PC: variants seen among roughly 807,000 people sequenced by gnomAD.
The protein encoded by PC is pyruvate carboxylase, also known as pyruvate carboxylase, mitochondrial.
In PC, 46 loss-of-function variants were observed where a neutral mutation model predicts 107.8. That is an observed-to-expected ratio of 0.43 (90% CI 0.34 to 0.55). The LOEUF (loss-of-function observed/expected upper bound fraction) is 0.55, where lower values mean the gene tolerates loss of function less well. PC is among the 20% of genes least tolerant of loss of function. The probability of loss-of-function intolerance (pLI) is 0.04; values close to 1 mark genes in which losing one functional copy is unlikely to be tolerated. For missense variants in PC, 1,241 were observed against 1,643.1 expected (o/e 0.76, Z 4.23); for synonymous variants, 662 against 684.7 (o/e 0.97, Z 0.52).
chr11:66,899,197 T>A (rs943394015), intron 3 of PC, among the ~76,000 whole-genome samples: 3 of 152,006 alleles, frequency 2.0e-5, no homozygotes, highest in Non-Finnish European at 4.4e-5. Flanking sequence ...ATCAACAGAA[T>A]CATAAATTAT....
rs1258494752 is a variant in PC, at chr11:66,870,397, G to C, written c.808C>G (p.Arg270Gly). 1 of 1,613,586 alleles carries C rather than the reference G, an allele frequency of 6.2e-7. No homozygotes were observed. ...GCAATCTCGACCACCTTCTGGTGCC[G>C]CCGCTGGATGGAGCAGTCTCGCTCG... is the stretch of plus-strand genomic sequence containing the variant. Reference protein sequence around the residue: ...LYERDCSIQRRHQKVVEIAPA... With the variant: ...LYERDCSIQRGHQKVVEIAPA... Residue 270 changes from arginine to glycine, a missense_variant, in exon 9 of 23, where the codon CGG (arginine) becomes GGG (glycine). By Grantham distance (125) the Arg-to-Gly change is moderately radical (BLOSUM62 -2). This residue lies in a region of PC where 1,143 missense variants were observed against 1,551.9 expected (regional missense o/e 0.74). Transcript: ENST00000393960. This position sits in a 1 kb window ranked among gnomAD's most constrained non-coding sequence, Gnocchi z 6.1.
intron 3 of PC, among the ~76,000 whole-genome samples, chr11:66,893,221 G>A (rs1003664668): frequency 2.6e-5 from 4 of 152,086 alleles, no homozygotes; most frequent in Non-Finnish European, 4.4e-5. Flanking sequence ...AGCCTGACAC[G>A]GGCCACAGTG....
chr11:66,860,094 G>A, intron 12 of PC: 3 of 1,553,272 alleles, frequency 1.9e-6, no homozygotes, highest in Non-Finnish European at 2.6e-6. Flanking sequence ...CCTGGGAGGA[G>A]CTTGGGCCCG....
rs1946708313 is a variant in PC at position 66,871,011 on chromosome 11, G to GCTGCC, written c.633+36_633+40dup. 1 of 1,612,980 alleles carries GCTGCC rather than the reference G, an allele frequency of 6.2e-7. No individual in the cohort carries two copies. The highest frequency in any genetic ancestry group is 1.3e-5 in the African/African-American group (1 of 74,912). On this transcript the variant is annotated intron_variant, in intron 7 of 22. Coordinates refer to ENST00000393960, the MANE Select transcript of PC (RefSeq NM_001040716.2). This position sits in a 1 kb window ranked among gnomAD's most constrained non-coding sequence, Gnocchi z 7.4. ...TGGTCCGCCCCTGCCCCCACGGCAG[G>GCTGCC]CTGCCCTGCCCTGCTCCCAGCCCTG...
At chr11:66,910,782 T>C (rs1055735131) in intron 3 of PC, among the ~76,000 whole-genome samples, 2 of 152,156 alleles carry the variant, frequency 1.3e-5, no homozygotes, top group Non-Finnish European at 2.9e-5. Context: ...AGGCTCTGGA[T>C]TGACCCAACC....
At chr11:66,892,570 G>C (rs1947615812) in intron 3 of PC, among the ~76,000 whole-genome samples, 2 of 152,198 alleles carry the variant, frequency 1.3e-5, no homozygotes, top group Non-Finnish European at 2.9e-5. Flanking sequence ...AATGTCGCCG[G>C]GCGCGGTGGC....
rs929904892 is a variant in PC at position 66,857,020 on chromosome 11, C to G, written c.1369-3637G>C. The G allele has an allele frequency of 6.8e-6, 1 of 146,644 alleles. No individual in the cohort carries two copies. The highest frequency in any genetic ancestry group is 2.1e-4 in the South Asian group (1 of 4,814). 9.1% of individuals were successfully genotyped at this position (146,644 alleles called of 1,614,324 possible). ...GGCCCGGGTGGATCCCCGCGCGCCC[C>G]TCCCCGTCCGCCCTCCACGTGCGTG... is the stretch of plus-strand genomic sequence containing the variant. On this transcript the variant is annotated intron_variant, in intron 12 of 22. Transcript: ENST00000393960. This position sits in a 1 kb window ranked among gnomAD's most constrained non-coding sequence, Gnocchi z 7.1.
chr11:66,918,759 G>C (rs370496571), intron 3 of PC, among the ~76,000 whole-genome samples: 1 of 152,060 alleles, frequency 6.6e-6, no homozygotes, highest in Admixed American at 6.6e-5. Flanking sequence ...ATAAATAAAA[G>C]GCTTCCTCAC....
rs753363996 is a variant in PC, at chr11:66,849,055, T to C, written c.3381A>G (p.Ala1127=). The change falls in exon 23 of 23, where the codon GCA becomes GCG. Residue 1127 remains alanine (A), a synonymous_variant. Coordinates refer to ENST00000393960, the MANE Select transcript of PC (RefSeq NM_001040716.2). The part of the protein sequence containing the change: ...PGKVIDIKVV[A]GAKVAKGQPL... ...GCTGGCCCTTGGCCACCTTGGCCCCTGCCACCACTTTGATGTCTATCACCT... is the reference window on the plus strand; with the variant it reads ...GCTGGCCCTTGGCCACCTTGGCCCCCGCCACCACTTTGATGTCTATCACCT... 1 of 1,614,120 alleles carries C rather than the reference T, an allele frequency of 6.2e-7. No individual in the cohort carries two copies. The highest frequency in any genetic ancestry group is 1.1e-5 in the South Asian group (1 of 91,092).
chr11:66,849,319 C>G lies in PC; in HGVS notation c.3199G>C (p.Asp1067His), dbSNP rs527559823. The change falls in exon 22 of 23, where the codon GAC becomes CAC. Residue 1067 changes from aspartate to histidine, a missense_variant. This residue lies in a region of PC where 1,143 missense variants were observed against 1,551.9 expected (regional missense o/e 0.74). Coordinates refer to ENST00000393960, the MANE Select transcript of PC (RefSeq NM_001040716.2). ...TGCCTCTGGCCGGCCCGGTTCAGGT[C>G]GCTCACGGCCAGGGCTTTGATGTGC... is the stretch of plus-strand genomic sequence containing the variant. ...TLHIKALAVS[D>H]LNRAGQRQVF... 1.2e-6 allele frequency: 2 copies of G among 1,613,560 alleles called. No individual in the cohort carries two copies. The highest frequency in any genetic ancestry group is 1.7e-4 in the Middle Eastern group (1 of 6,052).
intron 3 of PC, among the ~76,000 whole-genome samples, chr11:66,926,884 A>C (rs1948729508): frequency 6.6e-6 from 1 of 151,966 alleles, no homozygotes; most frequent in Non-Finnish European, 1.5e-5. Flanking sequence ...CATGTGTCAG[A>C]ACTTCACTCC....
intron 11 of PC, 105 bp from the exon 12 acceptor site, chr11:66,864,061 A>G: frequency 8.7e-7 from 1 of 1,147,578 alleles, no homozygotes; most frequent in Non-Finnish European, 1.3e-6. Flanking sequence ...TGCTGAGAGC[A>G]GAGCGTGGGG....
intron 3 of PC, among the ~76,000 whole-genome samples, chr11:66,887,314 A>G (rs1195292812): frequency 6.6e-6 from 1 of 152,202 alleles, no homozygotes; most frequent in East Asian, 1.9e-4. Context: ...TGACCAAAAA[A>G]TTCACCAAAA....
chr11:66,939,873 A>G (rs1213080057), intron 3 of PC, among the ~76,000 whole-genome samples: 2 of 151,318 alleles, frequency 1.3e-5, no homozygotes, highest in Non-Finnish European at 2.9e-5. Context: ...GCAGAGACAC[A>G]TGAGAAAGAA....
At chr11:66,873,046 A>C (rs562685380) in intron 3 of PC, among the ~76,000 whole-genome samples, 36 of 149,908 alleles carry the variant, frequency 2.4e-4, no homozygotes, top group African/African-American at 8.4e-4. Context: ...GAAAAAAAAA[A>C]AGTATAATAC....
intron 12 of PC, among the ~76,000 whole-genome samples, chr11:66,861,062 G>T (rs1318743591): frequency 6.6e-6 from 1 of 152,350 alleles, no homozygotes; most frequent in African/African-American, 2.4e-5. Context: ...GTTCCTGTCA[G>T]AACTGTGGGT....
At chr11:66,864,040 C>A (rs892412071) in intron 11 of PC, 84 bp from the exon 12 acceptor site, 1 of 1,336,512 alleles carries the variant, frequency 7.5e-7, no homozygotes, top group Non-Finnish European at 1.1e-6. Context: ...GCCAGGTGTG[C>A]ACCCAGCAGC....
intron 3 of PC, among the ~76,000 whole-genome samples, chr11:66,909,424 G>A (rs886280889): frequency 6.6e-6 from 1 of 152,162 alleles, no homozygotes; most frequent in African/African-American, 2.4e-5. Flanking sequence ...CATGATCTTC[G>A]GAACAGGTGT....
intron 3 of PC, among the ~76,000 whole-genome samples, chr11:66,922,990 T>C (rs1055888469): frequency 1.3e-5 from 2 of 152,184 alleles, no homozygotes; most frequent in South Asian, 4.1e-4. Context: ...TGGCCCACCA[T>C]TGCTGCCACA....
Sources: gnomAD v4.1 joint callset for allele counts (sites outside exome capture counted in the v4.1 genomes callset) on GRCh38, gnomAD v4.1.1 for gene constraint, gnomAD v4.1.1 regional missense constraint, Gnocchi (gnomAD v3.1) non-coding constraint, MANE v1.5 for transcripts, NCBI Gene and HGNC (gene_info 2026-07-23, HGNC 2026-07-21) for gene names.